The following BABAM2 variants were observed in gnomAD, a reference collection of about 807,000 sequenced individuals.
BABAM2 encodes BRISC and BRCA1 A complex member 2, also known as BRISC and BRCA1-A complex member 2.
BABAM2 carries 31 observed loss-of-function variants against 54.7 expected under a neutral mutation model. That is an observed-to-expected ratio of 0.57 (90% CI 0.43 to 0.77). The LOEUF (loss-of-function observed/expected upper bound fraction) is 0.77, where lower values mean the gene tolerates loss of function less well. Ranked by LOEUF, BABAM2 falls within the 30% of genes least tolerant of loss-of-function variation. BABAM2 has a pLI of 0.00. For synonymous variants in BABAM2, 167 were observed against 162.9 expected (o/e 1.03, Z -0.19); for missense variants, 364 against 455.8 (o/e 0.80, Z 1.83).
At chr2:27,943,338 G>T (rs1011997743) in intron 3 of BABAM2, among the ~76,000 whole-genome samples, 20 of 152,280 alleles carry the variant, frequency 1.3e-4, no homozygotes, top group African/African-American at 4.6e-4. Flanking sequence ...CAGCCTCCCA[G>T]TTAGAGCTCA....
At chr2:28,318,518 A>G (rs1393448062) in intron 11 of BABAM2, among the ~76,000 whole-genome samples, 1 of 152,162 alleles carries the variant, frequency 6.6e-6, no homozygotes, top group Non-Finnish European at 1.5e-5. Context: ...CCAGCGTTCT[A>G]TGACTCTTGA....
At chr2:27,954,240 A>G (rs115005752) in intron 3 of BABAM2, among the ~76,000 whole-genome samples, 2 of 152,348 alleles carry the variant, frequency 1.3e-5, no homozygotes, top group Non-Finnish European at 2.9e-5. Flanking sequence ...TGTCTCATCA[A>G]TAGGGGCGGC....
At chr2:28,074,995 G>C (rs769493820) in intron 6 of BABAM2, among the ~76,000 whole-genome samples, 1 of 152,166 alleles carries the variant, frequency 6.6e-6, no homozygotes, top group East Asian at 1.9e-4. Flanking sequence ...AGGAGGGCAA[G>C]TTGATGGAGC....
Position 28,206,728 on chromosome 2 carries a change from G to A in BABAM2, c.681-30474G>A, listed in dbSNP as rs566961202. On this transcript the variant is annotated intron_variant, in intron 7 of 11. Coordinates refer to ENST00000379624, the MANE Select transcript of BABAM2 (RefSeq NM_199191.3). Reference sequence around the variant, plus strand: ...CACAAAGATTCTTTATATGCCTGCAGCAGCCTTGATTAAATGGCAGCACTA... The same window carrying A: ...CACAAAGATTCTTTATATGCCTGCAACAGCCTTGATTAAATGGCAGCACTA... Among the ~76,000 whole-genome samples the A allele has an allele frequency of 1.7e-3, 255 of 152,340 alleles. 3 individuals are homozygous for A. In the South Asian group the frequency reaches 0.024, roughly 14 times the overall value.
intron 7 of BABAM2, among the ~76,000 whole-genome samples, chr2:28,166,648 T>A (rs1299851574): frequency 6.6e-6 from 1 of 152,164 alleles, no homozygotes; most frequent in African/African-American, 2.4e-5. Flanking sequence ...TGCACTGGCG[T>A]GACTGTGTTT....
chr2:28,241,312 T>A lies in BABAM2; in HGVS notation c.781-11T>A, dbSNP rs1682406725. Reference sequence around the variant, plus strand: ...CCCACTCTACTTCTCAGCTTTGGGTTTCTATTCCAGGTGCAGTACGTGATT... The same window carrying A: ...CCCACTCTACTTCTCAGCTTTGGGTATCTATTCCAGGTGCAGTACGTGATT... On this transcript the variant is annotated splice_polypyrimidine_tract_variant and intron_variant, in intron 8 of 11. Transcript: ENST00000379624. 1 of 1,612,966 alleles carries A rather than the reference T, an allele frequency of 6.2e-7. No individual in the cohort carries two copies. The highest frequency in any genetic ancestry group is 8.5e-7 in the Non-Finnish European group (1 of 1,179,078).
intron 4 of BABAM2, among the ~76,000 whole-genome samples, chr2:28,003,715 A>G (rs1673741962): frequency 1.3e-5 from 2 of 152,220 alleles, no homozygotes; most frequent in African/African-American, 4.8e-5. Flanking sequence ...TACTAGGTGG[A>G]TTATGCAGGA....
rs1308514537 is a variant in BABAM2, at chr2:27,995,248, G to T, written c.300+7161G>T. Among the ~76,000 whole-genome samples the T allele has an allele frequency of 6.6e-6, 1 of 152,166 alleles. No homozygotes were observed. The highest frequency in any genetic ancestry group is 1.5e-5 in the Non-Finnish European group (1 of 68,032). ...GAAATGGGCTGGTTTCAGTGAAACA[G>T]GCTGGAGGATGAGCACTAATAGGTC... On this transcript the variant is annotated intron_variant, in intron 4 of 11. Coordinates refer to ENST00000379624, the MANE Select transcript of BABAM2 (RefSeq NM_199191.3). The surrounding 1 kb of genome is among the most constrained non-coding windows in gnomAD (Gnocchi z 4.1).
rs967750606 is a variant in BABAM2 at position 28,070,310 on chromosome 2, G to A, written c.570+24511G>A. ...GCTATGAAAACTATCCCCTCTGTTA[G>A]GTAACCTGCAAGTTTTTATCTTTGA... is the stretch of plus-strand genomic sequence containing the variant. On this transcript the variant is annotated intron_variant, in intron 6 of 11. Transcript: ENST00000379624. Among the ~76,000 whole-genome samples, 3 of 152,116 alleles carry A rather than the reference G, an allele frequency of 2.0e-5. No homozygotes were observed. In the South Asian group the frequency reaches 6.2e-4, roughly 32 times the overall value.
intron 10 of BABAM2, among the ~76,000 whole-genome samples, chr2:28,262,026 A>G (rs1684585526): frequency 6.6e-6 from 1 of 152,190 alleles, no homozygotes; most frequent in Non-Finnish European, 1.5e-5. Context: ...TTCTAGGCAT[A>G]CACCAGATGT....
At chr2:28,179,322 G>C (rs567499365) in intron 7 of BABAM2, among the ~76,000 whole-genome samples, 2 of 152,134 alleles carry the variant, frequency 1.3e-5, no homozygotes, top group Admixed American at 6.5e-5. Context: ...TGCAAGGATG[G>C]TTCAACATAC....
At chr2:28,046,312 T>C (rs1677565228) in intron 6 of BABAM2, among the ~76,000 whole-genome samples, 1 of 151,970 alleles carries the variant, frequency 6.6e-6, no homozygotes, top group Non-Finnish European at 1.5e-5. Context: ...AGACAAATAT[T>C]AGCCGGGCAT....
chr2:28,148,955 C>T (rs746460324), intron 7 of BABAM2, among the ~76,000 whole-genome samples: 9 of 152,100 alleles, frequency 5.9e-5, no homozygotes, highest in South Asian at 2.1e-4. Flanking sequence ...CAGGAAAAGC[C>T]GACCAGCTCA....
intron 10 of BABAM2, among the ~76,000 whole-genome samples, chr2:28,289,198 A>G (rs963227868): frequency 1.3e-5 from 2 of 152,118 alleles, no homozygotes; most frequent in Admixed American, 1.3e-4. Context: ...AGAAGGAACC[A>G]CTACCCTGAA....
chr2:27,900,196 A>G (rs1208852321), intron 2 of BABAM2, among the ~76,000 whole-genome samples: 2 of 152,190 alleles, frequency 1.3e-5, no homozygotes, highest in Non-Finnish European at 2.9e-5. Context: ...GGTATACCCT[A>G]TAGGACACAG....
chr2:28,285,955 CT>C (rs376315142), intron 10 of BABAM2, among the ~76,000 whole-genome samples: 11,732 of 138,324 alleles, frequency 0.085, 447 homozygotes, highest in African/African-American at 0.13. Flanking sequence ...CGAATAATAA[CT>C]TTTTTTTTTT....
chr2:28,240,017 A>G (rs1682266685), intron 8 of BABAM2, among the ~76,000 whole-genome samples: 1 of 152,174 alleles, frequency 6.6e-6, no homozygotes, highest in African/African-American at 2.4e-5. Flanking sequence ...TCTAATTTCT[A>G]ATTTATTGGA....
chr2:27,981,764 C>T (rs946275313), intron 3 of BABAM2, among the ~76,000 whole-genome samples: 3 of 152,134 alleles, frequency 2.0e-5, no homozygotes, highest in Admixed American at 6.6e-5. Flanking sequence ...CATCAGTTGA[C>T]GGACATTAGT....
chr2:28,297,795 C>T (rs1182582084), intron 10 of BABAM2, among the ~76,000 whole-genome samples: 3 of 152,254 alleles, frequency 2.0e-5, no homozygotes, highest in African/African-American at 7.2e-5. Flanking sequence ...AGTCTGGTTG[C>T]CATATCCTAT....
Sources: allele counts gnomAD v4.1 joint callset (sites outside exome capture counted in the v4.1 genomes callset), GRCh38; gene constraint gnomAD v4.1.1; non-coding constraint Gnocchi (gnomAD v3.1); transcripts MANE v1.5; gene names NCBI Gene and HGNC (gene_info 2026-07-23, HGNC 2026-07-21).